Variants in KANK1 observed in about 807,000 individuals in gnomAD.
The protein encoded by KANK1 is KN motif and ankyrin repeat domains 1.
KANK1 carries 109 observed loss-of-function variants against 106.2 expected under a neutral mutation model. The observed-to-expected ratio is 1.03, with a 90% CI of 0.88 to 1.20. The LOEUF (loss-of-function observed/expected upper bound fraction) is 1.20. KANK1 is among the 50% of genes most tolerant of loss of function. The pLI is 0.00. For synonymous variants in KANK1, 873 were observed against 652.2 expected, an observed-to-expected ratio of 1.34 and a Z score of -5.16; for missense variants, 2,399 against 1,710.7, an observed-to-expected ratio of 1.40 and a Z score of -7.10.
intron 2 of KANK1, chr9:707,057 C>A (rs947695078): frequency 9.1e-6 from 9 of 985,318 alleles, no homozygotes; most frequent in Admixed American, 6.1e-5. Flanking sequence ...GGTGTCACTG[C>A]AGCCGGAGGG....
chr9:599,273 C>T (rs994734708), intron 1 of KANK1, among the ~76,000 whole-genome samples: 1 of 151,446 alleles, frequency 6.6e-6, no homozygotes, highest in Non-Finnish European at 1.5e-5. Flanking sequence ...CCATCCCAGC[C>T]TCCCAAAGTG....
At chr9:656,224 G>A (rs924590265) in intron 1 of KANK1, among the ~76,000 whole-genome samples, 6 of 152,122 alleles carry the variant, frequency 3.9e-5, no homozygotes, top group African/African-American at 7.2e-5. Context: ...CTTTCCCAGC[G>A]TGGTGGAGTT....
chr9:656,298 G>C (rs959502863), intron 1 of KANK1, among the ~76,000 whole-genome samples: 1 of 152,194 alleles, frequency 6.6e-6, no homozygotes, highest in Admixed American at 6.5e-5. Context: ...CGCGTGAGGA[G>C]GAAAGAGTTT....
Position 738,381 on chromosome 9 carries a change from G to A in KANK1, c.3430G>A (p.Glu1144Lys). 2 of 1,614,108 alleles carry A rather than the reference G, an allele frequency of 1.2e-6. No individual in the cohort carries two copies. The highest frequency in any genetic ancestry group is 1.7e-6 in the Non-Finnish European group (2 of 1,180,024). ...GGTGGGGGACTACATAGCTGCTTTT[G>A]AGGCCATTTCCCCAGATGTCCTCCG... The part of the protein sequence containing the change: ...AMVGDYIAAF[E>K]AISPDVLRYV... The change falls in exon 8 of 12, where the codon GAG becomes AAG. Residue 1144 changes from glutamate to lysine, a missense_variant. Physicochemically the swap from Glu to Lys is moderately conservative, Grantham distance 56. Coordinates refer to ENST00000382297, the MANE Select transcript of KANK1 (RefSeq NM_015158.5).
chr9:626,096 G>A (rs16921323), intron 1 of KANK1, among the ~76,000 whole-genome samples: 19,271 of 151,988 alleles, frequency 0.13, 3,314 homozygotes, highest in African/African-American at 0.39. Flanking sequence ...CATCAATAAG[G>A]TACAGAAAAT....
At chr9:597,465 G>C (rs958489957) in intron 1 of KANK1, among the ~76,000 whole-genome samples, 1 of 151,542 alleles carries the variant, frequency 6.6e-6, no homozygotes, top group African/African-American at 2.4e-5. Flanking sequence ...ATGATTAATG[G>C]TATTTATCTT....
chr9:662,262 T>C (rs1456161446), intron 1 of KANK1, among the ~76,000 whole-genome samples: 1 of 152,192 alleles, frequency 6.6e-6, no homozygotes, highest in Non-Finnish European at 1.5e-5. Flanking sequence ...CAAGGTAATT[T>C]ATAGGTTCAG....
At position 711,031 on chromosome 9, in the gene KANK1, A is replaced by T; in HGVS notation, c.265A>T (p.Thr89Ser). 1.2e-6 allele frequency: 2 copies of T among 1,614,212 alleles called. No homozygotes were observed. Among genetic ancestry groups the T allele is most frequent in the South Asian group, 2.2e-5 (2 of 91,082 alleles). ...TGGTCAGCAAGGTATATGGACTTCC[A>T]CTGAATCCCTCTCATCCTCCAACAG... is the stretch of plus-strand genomic sequence containing the variant. ...TSGQQGIWTS[T>S]ESLSSSNSDD... The change falls in exon 3 of 12, where the codon ACT (threonine) becomes TCT (serine). Residue 89 changes from threonine to serine, a missense_variant. Transcript: ENST00000382297.
intron 3 of KANK1, among the ~76,000 whole-genome samples, chr9:723,881 C>T (rs1273071361): frequency 6.6e-6 from 1 of 151,252 alleles, no homozygotes; most frequent in African/African-American, 2.4e-5. Context: ...TAGCTTGAAC[C>T]CAGCAGTTCG....
intron 2 of KANK1, among the ~76,000 whole-genome samples, chr9:678,153 A>G (rs534517858): frequency 5.9e-5 from 9 of 152,258 alleles, no homozygotes; most frequent in African/African-American, 1.7e-4. Flanking sequence ...TTCTGGGATG[A>G]CTGATCTTTC....
intron 3 of KANK1, among the ~76,000 whole-genome samples, chr9:479,560 T>A (rs1404157117): frequency 6.6e-6 from 1 of 152,234 alleles, no homozygotes; most frequent in Non-Finnish European, 1.5e-5. Context: ...AGCTGCTAAA[T>A]GGCATTGATT....
intron 1 of KANK1, among the ~76,000 whole-genome samples, chr9:565,103 CT>C (rs1817494128): frequency 6.6e-6 from 1 of 152,202 alleles, no homozygotes; most frequent in Non-Finnish European, 1.5e-5. Context: ...CCTTTTCTTC[CT>C]TTGCAAATCC....
At position 711,789 on chromosome 9, in the gene KANK1, T is replaced by A; in HGVS notation, c.1023T>A (p.Ser341Arg). The change falls in exon 3 of 12, where the codon AGT becomes AGA. Residue 341 changes from serine (S) to arginine (R), a missense_variant. Physicochemically the swap from Ser to Arg is moderately radical, Grantham distance 110. Transcript: ENST00000382297. ...AACAGCTCTCCCGGGCCCGAAGAAG[T>A]GGCGGGGAATTATACATTGACTATG... ...QLEQLSRARR[S>R]GGELYIDYEE... 6.2e-7 allele frequency: 1 copy of A among 1,613,778 alleles called. No individual in the cohort carries two copies. The highest frequency in any genetic ancestry group is 8.5e-7 in the Non-Finnish European group (1 of 1,179,942).
At chr9:667,835 G>C (rs1588727435) in intron 1 of KANK1, among the ~76,000 whole-genome samples, 1 of 150,940 alleles carries the variant, frequency 6.6e-6, no homozygotes, top group East Asian at 1.9e-4. Flanking sequence ...GGGTTCAAGT[G>C]ATTCTCCTGC....
chr9:567,472 G>T (rs954033392), intron 1 of KANK1, among the ~76,000 whole-genome samples: 1 of 152,162 alleles, frequency 6.6e-6, no homozygotes, highest in Non-Finnish European at 1.5e-5. Flanking sequence ...AGTTAGCTTT[G>T]CCCATGCCCA....
chr9:718,223 T>A (rs571623655), intron 3 of KANK1, among the ~76,000 whole-genome samples: 1 of 151,572 alleles, frequency 6.6e-6, no homozygotes, highest in Admixed American at 6.6e-5. Context: ...TATAAAAATA[T>A]GATGTAGGTA....
intron 1 of KANK1, chr9:660,184 A>T (rs1485101184): frequency 2.3e-5 from 7 of 303,960 alleles, no homozygotes. Flanking sequence ...TTAAAAAGAA[A>T]TTTGCCTGCA....
At chr9:629,493 T>C (rs1419225843) in intron 1 of KANK1, among the ~76,000 whole-genome samples, 1 of 152,196 alleles carries the variant, frequency 6.6e-6, no homozygotes, top group Admixed American at 6.5e-5. Flanking sequence ...TCAGATACAT[T>C]ATTAGGAAAG....
chr9:569,681 G>A (rs7022858), intron 1 of KANK1, among the ~76,000 whole-genome samples: 38,278 of 152,072 alleles, frequency 0.25, 5,042 homozygotes, highest in Admixed American at 0.32. Flanking sequence ...TTCTAATTGT[G>A]TTCACTTTTC....
Sources: gnomAD v4.1 joint callset for allele counts (sites outside exome capture counted in the v4.1 genomes callset) on GRCh38, gnomAD v4.1.1 for gene constraint, MANE v1.5 for transcripts, NCBI Gene and HGNC (gene_info 2026-07-23, HGNC 2026-07-21) for gene names.